F5: variants seen among roughly 807,000 people sequenced by gnomAD.
F5 encodes activated protein c cofactor.
F5 carries 138 observed loss-of-function variants against 216.4 expected under a neutral mutation model. The ratio of observed to expected loss-of-function variants is 0.64; its 90% CI spans 0.56 to 0.73. The LOEUF (loss-of-function observed/expected upper bound fraction) is 0.73. F5 is among the 30% of genes least tolerant of loss of function. The pLI is 0.00. For synonymous variants in F5, 916 were observed against 930.7 expected, an observed-to-expected ratio of 0.98 and a Z score of 0.29; for missense variants, 2,403 against 2,674.0, an observed-to-expected ratio of 0.90 and a Z score of 2.24.
rs200676405 is a variant in F5, at chr1:169,541,008, G to C, written c.4082C>G (p.Pro1361Arg). ...GTCTAGAGAAAGGGTTGTATGGCTG[G>C]GGTCTGGAGAAAGGGGCATCTGACC... Reference protein sequence around the residue: ...ALGQMPLSPDPSHTTLSLDLS... With the variant: ...ALGQMPLSPDRSHTTLSLDLS... Residue 1361 changes from proline to arginine, a missense_variant, in exon 13 of 25, where the codon CCC becomes CGC. Physicochemically the swap from Pro to Arg is moderately radical, Grantham distance 103 (BLOSUM62 -2). This residue lies in a region of F5 where 293 missense variants were observed against 270.8 expected (regional missense o/e 1.08). Transcript: ENST00000367797. 1.3e-6 allele frequency: 2 copies of C among 1,557,116 alleles called. No individual in the cohort carries two copies. The highest frequency in any genetic ancestry group is 1.7e-6 in the Non-Finnish European group (2 of 1,147,948).
chr1:169,572,092 T>C, intron 3 of F5, 129 bp downstream of exon 3: 2 of 1,053,658 alleles, frequency 1.9e-6, no homozygotes, highest in South Asian at 3.2e-5. Context: ...ACAGCAACAA[T>C]TTTTATAATT....
chr1:169,547,438 A>C lies in F5; in HGVS notation c.1612-846T>G, dbSNP rs994196867. Among the ~76,000 whole-genome samples the C allele has an allele frequency of 4.6e-5, 7 of 152,332 alleles. No homozygotes were observed. The East Asian group carries it at 1.4e-3, about 29-fold the overall frequency. On this transcript the variant is annotated intron_variant, in intron 10 of 24. Coordinates refer to ENST00000367797, the MANE Select transcript of F5 (RefSeq NM_000130.5). ...GAATGGGAGAAAATTTTTGCAAACT[A>C]TGCATCTGGCAAAGGTCTAATATGG...
chr1:169,520,446 A>G, intron 22 of F5, 74 bp downstream of exon 22: 1 of 1,581,672 alleles, frequency 6.3e-7, no homozygotes, highest in South Asian at 1.1e-5. Context: ...TAAAAATTCT[A>G]CTCATTCTCC....
intron 23 of F5, among the ~76,000 whole-genome samples, chr1:169,516,754 T>C (rs1338012074): frequency 2.0e-5 from 3 of 152,192 alleles, no homozygotes; most frequent in African/African-American, 4.8e-5. Flanking sequence ...TGTCCAGCTT[T>C]GATTTTCAAC....
chr1:169,543,444 G>A (rs943410031), intron 12 of F5, among the ~76,000 whole-genome samples: 2 of 136,128 alleles, frequency 1.5e-5, no homozygotes, highest in African/African-American at 2.5e-5. Flanking sequence ...GGGAAAAAAG[G>A]TCTTTCAGCA....
chr1:169,574,219 G>A (rs1044161650), intron 2 of F5, among the ~76,000 whole-genome samples: 5 of 152,062 alleles, frequency 3.3e-5, no homozygotes, highest in African/African-American at 1.2e-4. Context: ...GATACCAAGG[G>A]ATGACTGTAC....
chr1:169,547,974 A>G (rs1368214070), intron 10 of F5, among the ~76,000 whole-genome samples: 2 of 152,248 alleles, frequency 1.3e-5, no homozygotes, highest in African/African-American at 2.4e-5. Context: ...GATGAAGAAA[A>G]TATGGTACAT....
At chr1:169,585,115 G>A (rs983664983) in intron 1 of F5, among the ~76,000 whole-genome samples, 17 of 152,090 alleles carry the variant, frequency 1.1e-4, no homozygotes, top group African/African-American at 9.7e-5. Context: ...TTTAGCTTAC[G>A]GCAGTTCCCA....
At chr1:169,559,005 T>TAAAAAAAAA in intron 5 of F5, 148 bp downstream of exon 5, 1 of 711,222 alleles carries the variant, frequency 1.4e-6, no homozygotes, top group Admixed American at 2.6e-5. Flanking sequence ...ATTTCCTGTT[T>TAAAAAAAAA]AAAAAAAAAA....
intron 2 of F5, among the ~76,000 whole-genome samples, chr1:169,581,011 C>T (rs1660974145): frequency 6.6e-6 from 1 of 152,082 alleles, no homozygotes; most frequent in South Asian, 2.1e-4. Context: ...TTTAATTCTG[C>T]TGGTATTGAG....
chr1:169,526,429 A>G (rs116720755), intron 17 of F5, among the ~76,000 whole-genome samples: 2,408 of 152,104 alleles, frequency 0.016, 34 homozygotes, highest in Non-Finnish European at 0.026. Flanking sequence ...TAAAAATAAA[A>G]CCTTCTTCCT....
Position 169,514,114 on chromosome 1 carries a change from A to C in F5, c.*199T>G. 1 of 574,486 alleles carries C rather than the reference A, an allele frequency of 1.7e-6. No individual in the cohort carries two copies. Among genetic ancestry groups the C allele is most frequent in the Non-Finnish European group, 3.1e-6 (1 of 325,706 alleles). The allele number at this position is 574,486 out of a possible 1,614,324, so 35.6% of individuals were successfully genotyped here. A position where few individuals can be genotyped will look rare whatever the true frequency, so the allele number is the denominator to read the frequency against. ...CTACCTGTATTCAAATTAATGCAGA[A>C]GTAATAGCCATTATCTTACTTACTG... On this transcript the variant is annotated 3_prime_UTR_variant, in exon 25 of 25. Transcript: ENST00000367797.
Position 169,573,240 on chromosome 1 carries a change from G to T in F5, c.251-897C>A, listed in dbSNP as rs564988531. Among the ~76,000 whole-genome samples, 9 of 152,090 alleles carry T rather than the reference G, an allele frequency of 5.9e-5. No individual in the cohort carries two copies. In the South Asian group the frequency reaches 8.3e-4, roughly 14 times the overall value. ...TGGGATTACAGGTGTGAGCCACCAC[G>T]CCTCGTCTAAGTGAAATGGAGCATT... On this transcript the variant is annotated intron_variant, in intron 2 of 24. Transcript: ENST00000367797.
intron 2 of F5, among the ~76,000 whole-genome samples, chr1:169,573,304 A>G (rs938431396): frequency 2.6e-5 from 4 of 152,230 alleles, no homozygotes; most frequent in Admixed American, 2.0e-4. Flanking sequence ...CAGCAGAGAC[A>G]TAGTATAACG....
At chr1:169,559,006 A>T (rs1234661710) in intron 5 of F5, 147 bp downstream of exon 5, 38 of 520,302 alleles carry the variant, frequency 7.3e-5, no homozygotes, top group South Asian at 2.5e-4. Flanking sequence ...TTTCCTGTTT[A>T]AAAAAAAAAA....
At chr1:169,534,768 A>C (rs1659668139) in intron 14 of F5, among the ~76,000 whole-genome samples, 1 of 152,166 alleles carries the variant, frequency 6.6e-6, no homozygotes, top group Non-Finnish European at 1.5e-5. Context: ...TAGCAAAGAC[A>C]TGGAATCAAT....
intron 2 of F5, among the ~76,000 whole-genome samples, chr1:169,581,036 G>A (rs767475022): frequency 6.6e-6 from 1 of 152,304 alleles, no homozygotes; most frequent in Admixed American, 6.5e-5. Context: ...TGTCAATGTA[G>A]CTTCAGAGGG....
At position 169,523,368 on chromosome 1, in the gene F5, G is replaced by C. The variant is rs1659356277; in HGVS notation, c.5893-16C>G. 1.2e-6 allele frequency: 2 copies of C among 1,613,836 alleles called. No individual in the cohort carries two copies. The highest frequency in any genetic ancestry group is 1.7e-6 in the Non-Finnish European group (2 of 1,179,858). On this transcript the variant is annotated splice_polypyrimidine_tract_variant and intron_variant, in intron 20 of 24. Transcript: ENST00000367797. ...GCATGTCCACCTGCAATATAGGAAA[G>C]CCAGTAAACAGAACTGTCCTTGTCA...
At chr1:169,540,163 G>A (rs1659798615) in intron 13 of F5, 131 bp downstream of exon 13, 3 of 936,056 alleles carry the variant, frequency 3.2e-6, no homozygotes, top group Non-Finnish European at 4.9e-6. Flanking sequence ...AAAAGAACAG[G>A]CCAACTTGCA....
Sources: gnomAD v4.1 joint callset for allele counts (sites outside exome capture counted in the v4.1 genomes callset) on GRCh38, gnomAD v4.1.1 for gene constraint, gnomAD v4.1.1 regional missense constraint, MANE v1.5 for transcripts, NCBI Gene and HGNC (gene_info 2026-07-23, HGNC 2026-07-21) for gene names.